C12orf42: variants seen among roughly 807,000 people sequenced by gnomAD.
C12orf42 encodes chromosome 12 open reading frame 42, also known as uncharacterized protein C12orf42.
In C12orf42, 25 loss-of-function variants were observed where a neutral mutation model predicts 21.6. The observed-to-expected ratio is 1.16, with a 90% CI of 0.84 to 1.62. C12orf42 has a LOEUF of 1.62. Ranked by LOEUF, C12orf42 falls within the 40% of genes most tolerant of loss-of-function variation. The pLI, the probability that C12orf42 is intolerant of heterozygous loss-of-function variation, is 0.00. For synonymous variants in C12orf42, 174 were observed against 175.0 expected (o/e 0.99, Z 0.05); for missense variants, 483 against 459.3 (o/e 1.05, Z -0.47).
At chr12:103,187,424 T>C in the C12orf42 span, among the ~76,000 whole-genome samples, 1 of 152,136 alleles carries the variant, frequency 6.6e-6, no homozygotes, top group Non-Finnish European at 1.5e-5. Flanking sequence ...GAAGCCAACT[T>C]TTACTACCAA....
the C12orf42 span, among the ~76,000 whole-genome samples, chr12:103,056,908 G>A: frequency 9.9e-5 from 15 of 152,072 alleles, no homozygotes; most frequent in East Asian, 2.5e-3. Flanking sequence ...CTTAAAGCAC[G>A]TTCATAATTG....
chr12:103,279,523 G>A (rs1361671655), intron 4 of C12orf42, among the ~76,000 whole-genome samples: 1 of 152,174 alleles, frequency 6.6e-6, no homozygotes, highest in African/African-American at 2.4e-5. Flanking sequence ...GGCAGAAAGA[G>A]AAATTGCTAA....
the C12orf42 span, among the ~76,000 whole-genome samples, chr12:103,514,153 A>T: frequency 6.6e-6 from 1 of 152,210 alleles, no homozygotes; most frequent in Admixed American, 6.5e-5. Context: ...GAAGCCCCTT[A>T]TAAAACCATC....
intron 4 of C12orf42, among the ~76,000 whole-genome samples, chr12:103,353,556 A>G (rs1424874273): frequency 4.6e-5 from 7 of 152,100 alleles, no homozygotes. Context: ...GGCCAGTAGC[A>G]GAGGCACTTT....
intron 2 of C12orf42, among the ~76,000 whole-genome samples, chr12:103,443,870 G>A (rs1951415320): frequency 1.3e-5 from 2 of 152,184 alleles, no homozygotes; most frequent in Non-Finnish European, 2.9e-5. Flanking sequence ...TATCAAATTG[G>A]ATGGGTGACA....
At chr12:103,516,463 T>C in the C12orf42 span, among the ~76,000 whole-genome samples, 1 of 152,162 alleles carries the variant, frequency 6.6e-6, no homozygotes, top group African/African-American at 2.4e-5. Flanking sequence ...ACCTGGTAAT[T>C]TATAAAGAAA....
At chr12:103,270,652 T>C (rs1443558119) in intron 5 of C12orf42, among the ~76,000 whole-genome samples, 1 of 151,324 alleles carries the variant, frequency 6.6e-6, no homozygotes, top group East Asian at 1.9e-4. Context: ...TATGTATACA[T>C]GTGCCATGCT....
the C12orf42 span, among the ~76,000 whole-genome samples, chr12:103,059,533 A>G: frequency 6.6e-6 from 1 of 152,128 alleles, no homozygotes; most frequent in Non-Finnish European, 1.5e-5. Context: ...AAAAAAGAAA[A>G]CTTCAGGCCA....
intron 5 of C12orf42, among the ~76,000 whole-genome samples, chr12:103,305,714 G>T (rs1428964387): frequency 6.6e-6 from 1 of 152,162 alleles, no homozygotes; most frequent in East Asian, 1.9e-4. Flanking sequence ...GGCTGGAATG[G>T]TGATGATAAT....
At chr12:103,471,701 C>T (rs1040786517) in intron 2 of C12orf42, among the ~76,000 whole-genome samples, 3 of 152,140 alleles carry the variant, frequency 2.0e-5, no homozygotes, top group Admixed American at 2.0e-4. Context: ...TGGTCTACAC[C>T]CCATGGTAAG....
chr12:103,049,247 T>C, the C12orf42 span, among the ~76,000 whole-genome samples: 1 of 152,330 alleles, frequency 6.6e-6, no homozygotes, highest in Admixed American at 6.5e-5. Context: ...TCTCATGATC[T>C]TTGCCATTTC....
intron 2 of C12orf42, among the ~76,000 whole-genome samples, chr12:103,435,988 G>A (rs1374621646): frequency 2.0e-5 from 3 of 150,768 alleles, no homozygotes; most frequent in Non-Finnish European, 4.4e-5. Context: ...AAAATGTTAA[G>A]GGCAGCCAGA....
chr12:103,058,716 G>T, the C12orf42 span, among the ~76,000 whole-genome samples: 1 of 152,150 alleles, frequency 6.6e-6, no homozygotes, highest in Admixed American at 6.5e-5. Context: ...TGAGCAACCT[G>T]CTCCTGAATG....
intron 2 of C12orf42, among the ~76,000 whole-genome samples, chr12:103,467,289 A>C (rs1022703398): frequency 6.6e-6 from 1 of 152,216 alleles, no homozygotes; most frequent in Non-Finnish European, 1.5e-5. Context: ...TAACCATTGT[A>C]TATTGCAACT....
intron 2 of C12orf42, among the ~76,000 whole-genome samples, chr12:103,449,788 T>A (rs568469308): frequency 1.3e-5 from 2 of 151,830 alleles, no homozygotes; most frequent in East Asian, 3.9e-4. Context: ...CTTTAGAATT[T>A]TTTTCTAGTT....
At chr12:103,103,597 A>G in the C12orf42 span, among the ~76,000 whole-genome samples, 1 of 152,328 alleles carries the variant, frequency 6.6e-6, no homozygotes, top group South Asian at 2.1e-4. Context: ...ATCCTGAGAA[A>G]TCATCAGAAG....
At chr12:103,059,916 G>A in the C12orf42 span, among the ~76,000 whole-genome samples, 1,634 of 152,184 alleles carry the variant, frequency 0.011, 12 homozygotes, top group South Asian at 0.019. Flanking sequence ...TTTGAAAACC[G>A]GCACAAGACA....
chr12:103,453,076 A>G (rs577678929), intron 2 of C12orf42, among the ~76,000 whole-genome samples: 5 of 152,016 alleles, frequency 3.3e-5, no homozygotes, highest in Non-Finnish European at 5.9e-5. Flanking sequence ...ATAATTCTAA[A>G]TTTTCTGGAG....
At chr12:103,126,663 C>T in the C12orf42 span, among the ~76,000 whole-genome samples, 1 of 141,200 alleles carries the variant, frequency 7.1e-6, no homozygotes, top group South Asian at 2.2e-4. Context: ...ATGAAGTTAA[C>T]TAAAAAAAAA....
Sources: allele counts gnomAD v4.1 joint callset (sites outside exome capture counted in the v4.1 genomes callset), GRCh38; gene constraint gnomAD v4.1.1; transcripts MANE v1.5; gene names NCBI Gene and HGNC (gene_info 2026-07-23, HGNC 2026-07-21).